LSM12: variants seen among roughly 807,000 people sequenced by gnomAD.
LSM12 encodes LSM12 homolog.
For missense variants in LSM12, 108 were observed against 238.9 expected (o/e 0.45, Z 3.61); for synonymous variants, 74 against 87.3 (o/e 0.85, Z 0.85).
At chr17:44,036,451 A>T in intron 4 of LSM12, 151 bp from the exon 5 acceptor site, 1 of 992,626 alleles carries the variant, frequency 1.0e-6, no homozygotes, top group Non-Finnish European at 1.5e-6. Flanking sequence ...GGCCTTCCCA[A>T]CCACAAGGTA....
chr17:44,061,800 G>A (rs1396527486), intron 2 of LSM12, among the ~76,000 whole-genome samples: 2 of 152,160 alleles, frequency 1.3e-5, no homozygotes, highest in Non-Finnish European at 2.9e-5. Flanking sequence ...TAAAATTGGA[G>A]GCATCTTATT....
intron 2 of LSM12, among the ~76,000 whole-genome samples, chr17:44,050,985 G>C (rs1473447525): frequency 6.6e-6 from 1 of 152,082 alleles, no homozygotes; most frequent in Non-Finnish European, 1.5e-5. Context: ...TAACAAATTA[G>C]CTGGGGGGCT....
intron 2 of LSM12, among the ~76,000 whole-genome samples, chr17:44,048,327 C>T (rs2144088298): frequency 6.6e-6 from 1 of 151,696 alleles, no homozygotes; most frequent in South Asian, 2.1e-4. Context: ...ACAAAAATTA[C>T]AAAAATTAGC....
At chr17:44,042,846 C>T (rs1311177991) in intron 2 of LSM12, among the ~76,000 whole-genome samples, 3 of 152,258 alleles carry the variant, frequency 2.0e-5, no homozygotes, top group South Asian at 4.1e-4. Context: ...GGATTACAGG[C>T]GTGAGCTACC....
chr17:44,056,227 G>A (rs369733713), intron 2 of LSM12, among the ~76,000 whole-genome samples: 4 of 151,404 alleles, frequency 2.6e-5, no homozygotes, highest in East Asian at 3.9e-4. Flanking sequence ...ACCGGGAGGC[G>A]GAGGTTGTGG....
At chr17:44,059,391 C>A (rs1337678633) in intron 2 of LSM12, among the ~76,000 whole-genome samples, 2 of 152,058 alleles carry the variant, frequency 1.3e-5, no homozygotes, top group African/African-American at 4.8e-5. Flanking sequence ...GAGTTCAAGG[C>A]CAGCCTGGTC....
chr17:44,065,210 G>A (rs1597900548), intron 1 of LSM12, among the ~76,000 whole-genome samples: 1 of 151,900 alleles, frequency 6.6e-6, no homozygotes, highest in African/African-American at 2.4e-5. Context: ...TGAAGCCAGC[G>A]GATCACGAGG....
chr17:44,058,101 G>A (rs1370378528), intron 2 of LSM12, among the ~76,000 whole-genome samples: 1 of 151,904 alleles, frequency 6.6e-6, no homozygotes, highest in Admixed American at 6.6e-5. Context: ...GCTGGGCGTG[G>A]TGGTGGGCGC....
At chr17:44,048,973 T>C (rs1338352509) in intron 2 of LSM12, among the ~76,000 whole-genome samples, 1 of 152,224 alleles carries the variant, frequency 6.6e-6, no homozygotes, top group Non-Finnish European at 1.5e-5. Flanking sequence ...GAAGATCACT[T>C]GAGGCCAGGA....
Position 44,036,167 on chromosome 17 carries a change from T to G in LSM12, c.*41A>C. ...CTCCGCTGAAGCCACCACCAGCGCC[T>G]CCTTGGCTGGATGCTGGAAGAGTCC... On this transcript the variant is annotated 3_prime_UTR_variant, in exon 5 of 5. Transcript: ENST00000293406. 6.3e-7 allele frequency: 1 copy of G among 1,598,354 alleles called. No individual in the cohort carries two copies.
intron 2 of LSM12, among the ~76,000 whole-genome samples, chr17:44,060,212 T>C (rs911890893): frequency 2.0e-5 from 3 of 152,070 alleles, no homozygotes; most frequent in Admixed American, 2.0e-4. Context: ...CTAGTGCTTC[T>C]CCAGACTGCA....
At chr17:44,055,628 G>A (rs2049701599) in intron 2 of LSM12, among the ~76,000 whole-genome samples, 1 of 148,770 alleles carries the variant, frequency 6.7e-6, no homozygotes, top group Admixed American at 6.8e-5. Context: ...AGTGAGCAGA[G>A]ATCACACCAC....
chr17:44,037,321 A>G (rs1175249710), intron 4 of LSM12, 91 bp downstream of exon 4: 1 of 1,405,650 alleles, frequency 7.1e-7, no homozygotes. Flanking sequence ...GGAGGCAGAG[A>G]CTGTAGCACA....
At chr17:44,041,934 A>C (rs970757059) in intron 2 of LSM12, among the ~76,000 whole-genome samples, 1 of 152,250 alleles carries the variant, frequency 6.6e-6, no homozygotes, top group African/African-American at 2.4e-5. Context: ...ATGCTGCAGC[A>C]CATGTGCAAA....
chr17:44,042,603 C>CGCCCAGGCTTACAGA (rs1567956375), intron 2 of LSM12, among the ~76,000 whole-genome samples: 1 of 143,850 alleles, frequency 7.0e-6, no homozygotes, highest in African/African-American at 2.6e-5. Context: ...CTCGCTCTGT[C>CGCCCAGGCTTACAGA]GCCCAGGCTG....
intron 2 of LSM12, among the ~76,000 whole-genome samples, chr17:44,063,254 G>C (rs72822652): frequency 0.013 from 1,963 of 152,194 alleles, 17 homozygotes; most frequent in Admixed American, 0.023. Context: ...AAAGTGACTT[G>C]GGGGTTCCCA....
In LSM12 at chr17:44,052,904, A is replaced by G. The variant is rs547783477; in HGVS notation, c.258+10897T>C. On this transcript the variant is annotated intron_variant, in intron 2 of 4. Coordinates refer to ENST00000293406, the MANE Select transcript of LSM12 (RefSeq NM_001371445.1). ...GAGCAAAACTCTGTCTTAAAAATATAAATAAATAAATAAAGTGTTACATGC... is the reference window on the plus strand; with the variant it reads ...GAGCAAAACTCTGTCTTAAAAATATGAATAAATAAATAAAGTGTTACATGC... Among the ~76,000 whole-genome samples, 13 of 152,014 alleles carry G rather than the reference A, an allele frequency of 8.6e-5. No homozygotes were observed. The South Asian group carries it at 1.0e-3, about 12-fold the overall frequency.
At chr17:44,041,334 A>AACACAC (rs1389054042) in intron 2 of LSM12, among the ~76,000 whole-genome samples, 4,743 of 102,808 alleles carry the variant, frequency 0.046, 143 homozygotes, top group Middle Eastern at 0.066. Context: ...CACACACACA[A>AACACAC]ACACACACAC....
rs1373221542 is a variant in LSM12, at chr17:44,034,461, G to C, written c.*1747C>G. ...CACCTACACACCACTCCAAACCCTG[G>C]ACCCCCATCTTAAATTATACCCTGC... On this transcript the variant is annotated 3_prime_UTR_variant, in exon 5 of 5. Transcript: ENST00000293406. Among the ~76,000 whole-genome samples the C allele has an allele frequency of 6.6e-6, 1 of 151,960 alleles. No individual in the cohort carries two copies. The highest frequency in any genetic ancestry group is 2.4e-5 in the African/African-American group (1 of 41,352).
Sources: gnomAD v4.1 joint callset for allele counts (sites outside exome capture counted in the v4.1 genomes callset) on GRCh38, gnomAD v4.1.1 for gene constraint, MANE v1.5 for transcripts, NCBI Gene and HGNC (gene_info 2026-07-23, HGNC 2026-07-21) for gene names.